Variants in RASAL2 observed in about 807,000 individuals in gnomAD.
The protein encoded by RASAL2 is RAS protein activator like 2.
In RASAL2, 58 loss-of-function variants were observed where a neutral mutation model predicts 128.9. The ratio of observed to expected loss-of-function variants is 0.45; its 90% CI spans 0.36 to 0.56. RASAL2 has a LOEUF of 0.56. RASAL2 is among the 20% of genes least tolerant of loss of function. The pLI is 0.00. For synonymous variants in RASAL2, 561 were observed against 580.8 expected (o/e 0.97, Z 0.49); for missense variants, 1,360 against 1,601.6 (o/e 0.85, Z 2.57).
rs946559831 is a variant in RASAL2 at position 178,181,361 on chromosome 1, AT to A, written c.202+86681del. Among the ~76,000 whole-genome samples, 815 of 144,770 alleles carry A rather than the reference AT, an allele frequency of 5.6e-3. 2 individuals are homozygous for A. Among genetic ancestry groups the A allele is most frequent in the Admixed American group, 9.4e-3 (135 of 14,328 alleles). The allele number at this position is 144,770 out of a possible 152,430, so 95.0% of individuals were successfully genotyped here. ...AAATAAATTTCCTACTTGATTCAGA[AT>A]TTTTTTTTTTTTTGAGGCAGTGTCT... On this transcript the variant is annotated intron_variant, in intron 1 of 17. Coordinates refer to ENST00000367649, the MANE Select transcript of RASAL2 (RefSeq NM_170692.4).
chr1:178,162,051 G>A (rs1399207349), intron 1 of RASAL2, among the ~76,000 whole-genome samples: 6 of 150,038 alleles, frequency 4.0e-5, no homozygotes, highest in South Asian at 4.2e-4. Context: ...TGCAAGCTCC[G>A]CCTCTCAGCT....
At chr1:178,448,150 A>G (rs1677141563) in intron 9 of RASAL2, among the ~76,000 whole-genome samples, 1 of 152,178 alleles carries the variant, frequency 6.6e-6, no homozygotes, top group African/African-American at 2.4e-5. Flanking sequence ...TTTATGGTAT[A>G]GAATGAAGAA....
chr1:178,212,471 A>G (rs370631517), intron 1 of RASAL2, among the ~76,000 whole-genome samples: 2 of 152,144 alleles, frequency 1.3e-5, no homozygotes, highest in East Asian at 1.9e-4. Flanking sequence ...AGGAAGTGAG[A>G]TGATGTAGAC....
At chr1:178,196,742 G>C (rs1662672635) in intron 1 of RASAL2, among the ~76,000 whole-genome samples, 1 of 152,180 alleles carries the variant, frequency 6.6e-6, no homozygotes, top group Non-Finnish European at 1.5e-5. Context: ...GTTCTCCACA[G>C]ATACCAAGGG....
intron 3 of RASAL2, among the ~76,000 whole-genome samples, chr1:178,309,943 G>A (rs575316147): frequency 6.6e-6 from 1 of 152,166 alleles, no homozygotes; most frequent in Non-Finnish European, 1.5e-5. Flanking sequence ...CTCATGCAGT[G>A]AACTGAGGCA....
intron 1 of RASAL2, among the ~76,000 whole-genome samples, chr1:178,214,853 T>C (rs1210267493): frequency 6.6e-6 from 1 of 152,078 alleles, no homozygotes; most frequent in Non-Finnish European, 1.5e-5. Flanking sequence ...CCACCATGCC[T>C]GGCCCACCTG....
At chr1:178,464,839 T>TTTG (rs200328532) in intron 15 of RASAL2, among the ~76,000 whole-genome samples, 303 of 143,482 alleles carry the variant, frequency 2.1e-3, no homozygotes, top group African/African-American at 6.6e-3. Flanking sequence ...TTGTTTTTTT[T>TTTG]TTTTTTTTTT....
At chr1:178,321,374 C>T (rs6701584) in intron 3 of RASAL2, among the ~76,000 whole-genome samples, 39,126 of 152,118 alleles carry the variant, frequency 0.26, 8,099 homozygotes, top group African/African-American at 0.58. Flanking sequence ...GCGTGAGCCA[C>T]CGCGCCCCGC....
At chr1:178,328,274 TTGTA>T (rs1242748581) in intron 3 of RASAL2, among the ~76,000 whole-genome samples, 1 of 152,162 alleles carries the variant, frequency 6.6e-6, no homozygotes. Flanking sequence ...TATTTTTAAT[TTGTA>T]TGGGTACATA....
chr1:178,431,565 A>G (rs967256370), intron 5 of RASAL2, among the ~76,000 whole-genome samples: 3 of 152,060 alleles, frequency 2.0e-5, no homozygotes, highest in Non-Finnish European at 2.9e-5. Context: ...GGATCTAGCA[A>G]TTTCACATCT....
At chr1:178,444,460 T>C (rs913755235) in intron 8 of RASAL2, among the ~76,000 whole-genome samples, 1 of 152,210 alleles carries the variant, frequency 6.6e-6, no homozygotes, top group Non-Finnish European at 1.5e-5. Flanking sequence ...ATGTTTAAAA[T>C]GCTTAATTTT....
chr1:178,208,741 C>G (rs903831685), intron 1 of RASAL2, among the ~76,000 whole-genome samples: 2 of 152,142 alleles, frequency 1.3e-5, no homozygotes, highest in Admixed American at 1.3e-4. Flanking sequence ...TGTACCTACT[C>G]TCTGTTATTA....
At chr1:178,270,854 G>T (rs1666212253) in intron 1 of RASAL2, among the ~76,000 whole-genome samples, 1 of 152,108 alleles carries the variant, frequency 6.6e-6, no homozygotes, top group Non-Finnish European at 1.5e-5. Context: ...TTTCTCTTGG[G>T]ATGGTCTGAT....
chr1:178,470,865 C>T, intron 17 of RASAL2: 4 of 521,736 alleles, frequency 7.7e-6, no homozygotes, highest in Non-Finnish European at 1.3e-5. Context: ...CTTTCCCTTA[C>T]AATCCAGGCA....
intron 4 of RASAL2, among the ~76,000 whole-genome samples, chr1:178,407,411 G>A (rs1170969452): frequency 6.6e-6 from 1 of 152,110 alleles, no homozygotes; most frequent in East Asian, 1.9e-4. Flanking sequence ...GCAAGGAAGG[G>A]AATTATTTAT....
At chr1:178,152,670 AC>A in intron 1 of RASAL2, among the ~76,000 whole-genome samples, 1 of 151,506 alleles carries the variant, frequency 6.6e-6, no homozygotes. Flanking sequence ...TCTCAAAAAA[AC>A]AAAACAAAAC....
intron 1 of RASAL2, among the ~76,000 whole-genome samples, chr1:178,112,291 C>T (rs2102248713): frequency 6.6e-6 from 1 of 152,186 alleles, no homozygotes; most frequent in African/African-American, 2.4e-5. Context: ...GTGGCTCATG[C>T]CTGTAATCCT....
chr1:178,246,125 G>T (rs897928147), intron 1 of RASAL2, among the ~76,000 whole-genome samples: 10 of 152,150 alleles, frequency 6.6e-5, no homozygotes, highest in African/African-American at 2.2e-4. Flanking sequence ...TAACTTGATA[G>T]GAATAGCATT....
chr1:178,399,714 A>T (rs934351160), intron 4 of RASAL2, among the ~76,000 whole-genome samples: 3 of 152,218 alleles, frequency 2.0e-5, no homozygotes, highest in Non-Finnish European at 4.4e-5. Flanking sequence ...TTATAATAGT[A>T]CGTTTAATGA....
Sources: allele counts gnomAD v4.1 joint callset (sites outside exome capture counted in the v4.1 genomes callset), GRCh38; gene constraint gnomAD v4.1.1; transcripts MANE v1.5; gene names NCBI Gene and HGNC (gene_info 2026-07-23, HGNC 2026-07-21).